The following GLS2 variants were observed in gnomAD, a reference collection of about 807,000 sequenced individuals.
GLS2 encodes the protein glutaminase 2.
In GLS2, 52 loss-of-function variants were observed where a neutral mutation model predicts 79.0. The observed-to-expected ratio is 0.66, with a 90% CI of 0.53 to 0.83. GLS2 has a LOEUF of 0.83. GLS2 is among the 40% of genes least tolerant of loss of function. The probability of loss-of-function intolerance (pLI) is 0.00; values close to 1 mark genes in which losing one functional copy is unlikely to be tolerated. For missense variants in GLS2, 561 were observed against 764.8 expected, an observed-to-expected ratio of 0.73 and a Z score of 3.14; for synonymous variants, 238 against 280.8, an observed-to-expected ratio of 0.85 and a Z score of 1.52.
intron 4 of GLS2, 74 bp from the exon 5 acceptor site, chr12:56,478,336 G>T: frequency 1.4e-6 from 2 of 1,477,600 alleles, no homozygotes; most frequent in East Asian, 2.3e-5. Flanking sequence ...AGGGTCAAGA[G>T]AATCTTTTAG....
intron 1 of GLS2, among the ~76,000 whole-genome samples, chr12:56,487,343 A>C (rs1198573906): frequency 6.6e-6 from 1 of 152,230 alleles, no homozygotes; most frequent in African/African-American, 2.4e-5. Flanking sequence ...TCTGCGTCTT[A>C]AAGACCTTTC....
At chr12:56,479,378 G>A (rs1870102660) in intron 3 of GLS2, 197 bp from the exon 4 acceptor site, 7 of 569,086 alleles carry the variant, frequency 1.2e-5, no homozygotes, top group Non-Finnish European at 2.0e-5. Flanking sequence ...TTAATGATGT[G>A]GAAAGACACT....
chr12:56,474,894 G>A lies in GLS2; in HGVS notation c.999C>T (p.Cys333=). The A allele has an allele frequency of 6.2e-7, 1 of 1,614,134 alleles. No homozygotes were observed. Among genetic ancestry groups the A allele is most frequent in the South Asian group, 1.1e-5 (1 of 91,080 alleles). ...AIGYYLKEKK[C]FPKGVDMMAA... is the part of the protein sequence containing the mutation. ...CCATCATGTCCACCCCCTTAGGAAA[G>A]CACTGCAAGGAAGAGAGGGGAGAGC... Residue 333 remains cysteine (C), a splice_region_variant and synonymous_variant, in exon 11 of 18, where the codon TGC becomes TGT. Coordinates refer to ENST00000311966, the MANE Select transcript of GLS2 (RefSeq NM_013267.4).
At chr12:56,476,283 C>T (rs1869807824) in intron 7 of GLS2, 1 of 350,770 alleles carries the variant, frequency 2.9e-6, no homozygotes, top group African/African-American at 2.1e-5. Context: ...CCACTTCAGC[C>T]TCCAAGTAGC....
chr12:56,479,653 T>G (rs1870126170), intron 3 of GLS2, 127 bp downstream of exon 3: 1 of 1,140,634 alleles, frequency 8.8e-7, no homozygotes, highest in African/African-American at 1.6e-5. Flanking sequence ...ATGTATAACT[T>G]ATGTAATAAG....
At chr12:56,477,236 C>G (rs1869902768) in intron 7 of GLS2, 1 of 155,228 alleles carries the variant, frequency 6.4e-6, no homozygotes, top group Non-Finnish European at 1.4e-5. Context: ...ACTCACAGTT[C>G]CAGGTGACGT....
intron 14 of GLS2, 50 bp downstream of exon 14, chr12:56,473,178 C>G: frequency 1.3e-6 from 2 of 1,559,042 alleles, no homozygotes; most frequent in Non-Finnish European, 1.8e-6. Context: ...CGTGAGCCAC[C>G]GCACCTGGCC....
chr12:56,474,731 AAAG>A lies in GLS2; in HGVS notation c.1048-14_1048-12del. 6.2e-7 allele frequency: 1 copy of A among 1,608,360 alleles called. No homozygotes were observed. Among genetic ancestry groups the A allele is most frequent in the Non-Finnish European group, 8.5e-7 (1 of 1,176,198 alleles). On this transcript the variant is annotated splice_polypyrimidine_tract_variant and intron_variant, in intron 11 of 17. Transcript: ENST00000311966. ...CTCCACAGAACACAGCTATGAAAACAAAGAATAGGTGAAGATGTGACGTGAACC... is the reference window on the plus strand; with the variant it reads ...CTCCACAGAACACAGCTATGAAAACAAATAGGTGAAGATGTGACGTGAACC...
At position 56,478,256 on chromosome 12, in the gene GLS2, CT is replaced by C. The variant is rs1326251137; in HGVS notation, c.540del (p.Ala181ProfsTer41). The part of the protein sequence containing the change: ...DVKELTGGKV[A>X]AYIPQLAKSN... Reference sequence around the variant, plus strand: ...GACTTGGCCAGCTGAGGGATGTAGGCTGCCACCTGGACATGAGTGGGTAGAG... The same window carrying C: ...GACTTGGCCAGCTGAGGGATGTAGGCGCCACCTGGACATGAGTGGGTAGAG... On this transcript the variant is annotated frameshift_variant, in exon 5 of 18. Transcript: ENST00000311966. LOFTEE classifies it high-confidence loss of function. 6.2e-7 allele frequency: 1 copy of C among 1,614,192 alleles called. No homozygotes were observed. Among genetic ancestry groups the C allele is most frequent in the African/African-American group, 1.3e-5 (1 of 75,052 alleles).
chr12:56,475,914 C>T, intron 8 of GLS2, 31 bp downstream of exon 8: 1 of 1,612,746 alleles, frequency 6.2e-7, no homozygotes, highest in Non-Finnish European at 8.5e-7. Flanking sequence ...TGGCGAAATG[C>T]AGCCAGGGGC....
chr12:56,480,310 A>G lies in GLS2; in HGVS notation c.260T>C (p.Ile87Thr). 6.2e-7 allele frequency: 1 copy of G among 1,614,130 alleles called. No homozygotes were observed. The highest frequency in any genetic ancestry group is 8.5e-7 in the Non-Finnish European group (1 of 1,179,992). The change falls in exon 2 of 18, where the codon ATC becomes ACC. Residue 87 changes from isoleucine to threonine, a missense_variant. By Grantham distance (89) the Ile-to-Thr change is moderately conservative. Around this residue, in one of 4 missense-constraint regions of GLS2, gnomAD observed 161 missense variants for 167.8 expected, o/e 0.96. Coordinates refer to ENST00000311966, the MANE Select transcript of GLS2 (RefSeq NM_013267.4). Reference sequence around the variant, plus strand: ...TACAGTGGTGAACTTGTGGATAGGGATTCGTTCCTGTCCTTCAGCAATAGT... The same window carrying G: ...TACAGTGGTGAACTTGTGGATAGGGGTTCGTTCCTGTCCTTCAGCAATAGT... ...FYTIAEGQER[I>T]PIHKFTTALK...
chr12:56,478,394 G>T, intron 4 of GLS2, 132 bp from the exon 5 acceptor site: 2 of 881,252 alleles, frequency 2.3e-6, no homozygotes, highest in Non-Finnish European at 1.8e-6. Context: ...GTTCCCTCCT[G>T]CCTGTTGCTC....
At position 56,478,180 on chromosome 12, in the gene GLS2, C is replaced by T; in HGVS notation, c.614+3G>A. The T allele has an allele frequency of 3.1e-6, 5 of 1,614,238 alleles. No homozygotes were observed. The highest frequency in any genetic ancestry group is 4.2e-6 in the Non-Finnish European group (5 of 1,180,040). On this transcript the variant is annotated splice_donor_region_variant and intron_variant, in intron 5 of 17. Transcript: ENST00000311966. Reference sequence around the variant, plus strand: ...CTCCCCTTCCTCTTGCCCAGCATCTCACCGTTGACCATCCACAGTGCACAG... The same window carrying T: ...CTCCCCTTCCTCTTGCCCAGCATCTTACCGTTGACCATCCACAGTGCACAG...
Position 56,475,941 on chromosome 12 carries a change from T to G in GLS2, c.870+4A>C. ...GCCAGGGGCTAAGTAGCAAGGGAACTTACAAAATCAAACTTCTCTGCTTTG... is the reference window on the plus strand; with the variant it reads ...GCCAGGGGCTAAGTAGCAAGGGAACGTACAAAATCAAACTTCTCTGCTTTG... On this transcript the variant is annotated splice_donor_region_variant and intron_variant, in intron 8 of 17. Transcript: ENST00000311966. 1.2e-6 allele frequency: 2 copies of G among 1,613,786 alleles called. No individual in the cohort carries two copies. Among genetic ancestry groups the G allele is most frequent in the Non-Finnish European group, 1.7e-6 (2 of 1,179,954 alleles).
chr12:56,484,995 T>C (rs1870571872), intron 1 of GLS2, among the ~76,000 whole-genome samples: 1 of 152,134 alleles, frequency 6.6e-6, no homozygotes, highest in Non-Finnish European at 1.5e-5. Context: ...CAAGACTATA[T>C]AGTAACCAAA....
intron 7 of GLS2, 175 bp downstream of exon 7, chr12:56,477,485 T>C (rs1044490694): frequency 8.0e-6 from 5 of 621,870 alleles, no homozygotes; most frequent in Admixed American, 2.8e-5. Context: ...CAGTCTCTTA[T>C]ACTGACATTG....
chr12:56,475,412 CCT>C, intron 9 of GLS2: 1 of 703,040 alleles, frequency 1.4e-6, no homozygotes, highest in Non-Finnish European at 2.3e-6. Context: ...CATCACACTG[CCT>C]CTCTCATTAT....
chr12:56,485,305 G>A, intron 1 of GLS2, among the ~76,000 whole-genome samples: 1 of 152,122 alleles, frequency 6.6e-6, no homozygotes, highest in East Asian at 1.9e-4. Context: ...TGCCTAGGCT[G>A]GAGTGTGGTG....
At chr12:56,472,864 A>G in intron 14 of GLS2, 113 bp from the exon 15 acceptor site, 2 of 813,948 alleles carry the variant, frequency 2.5e-6, no homozygotes, top group South Asian at 3.0e-5. Flanking sequence ...AGTGTTATGG[A>G]ATGTGCTACT....
Sources: allele counts gnomAD v4.1 joint callset (sites outside exome capture counted in the v4.1 genomes callset), GRCh38; gene constraint gnomAD v4.1.1; regional missense constraint gnomAD v4.1.1; transcripts MANE v1.5; gene names NCBI Gene and HGNC (gene_info 2026-07-23, HGNC 2026-07-21).